ANKRD24: variants seen among roughly 807,000 people sequenced by gnomAD.
ANKRD24 encodes ankyrin repeat domain-containing protein 24.
In ANKRD24, 109 loss-of-function variants were observed where a neutral mutation model predicts 127.8. That is an observed-to-expected ratio of 0.85 (90% CI 0.73 to 1.00). The LOEUF is 1.00. Among genes scored for constraint, ANKRD24 ranks in the 50% least tolerant of loss-of-function variants. ANKRD24 has a pLI of 0.00. For missense variants in ANKRD24, 1,648 were observed against 1,570.2 expected (o/e 1.05, Z -0.84); for synonymous variants, 743 against 671.1 (o/e 1.11, Z -1.66).
chr19:4,217,138 G>A lies in ANKRD24; in HGVS notation c.1978G>A (p.Gly660Arg). The A allele has an allele frequency of 6.2e-7, 1 of 1,613,618 alleles. No homozygotes were observed. The highest frequency in any genetic ancestry group is 8.5e-7 in the Non-Finnish European group (1 of 1,179,770). The change falls in exon 18 of 22, where the codon GGG becomes AGG. Residue 660 changes from glycine to arginine, a missense_variant. By Grantham distance (125) the Gly-to-Arg change is moderately radical (BLOSUM62 -2). Coordinates refer to ENST00000318934, the MANE Select transcript of ANKRD24 (RefSeq NM_001393985.1). ...AATGCAGGCCTACGGAGTGGGTGCT[G>A]GGCAAGCAGAGCCCCCAGTCACAGG... ...AEMQAYGVGA[G>R]QAEPPVTGTT...
At position 4,216,711 on chromosome 19, in the gene ANKRD24, G is replaced by C. The variant is rs1970095278; in HGVS notation, c.1551G>C (p.Glu517Asp). 6.3e-7 allele frequency: 1 copy of C among 1,579,142 alleles called. No homozygotes were observed. ...CCCTGAGGCAGCAGGAGACACGAGA[G>C]GTCCCCAGAGAAGAGGGGGCAGCCT... ...LQALRQQETREVPREEGAACG... is the reference protein window; with the variant it reads ...LQALRQQETRDVPREEGAACG... Residue 517 changes from glutamate (E) to aspartate (D), a missense_variant, in exon 18 of 22, where the codon GAG (glutamate) becomes GAC (aspartate). Coordinates refer to ENST00000318934, the MANE Select transcript of ANKRD24 (RefSeq NM_001393985.1).
chr19:4,209,595 G>C (rs553840847), intron 11 of ANKRD24, among the ~76,000 whole-genome samples: 1 of 152,018 alleles, frequency 6.6e-6, no homozygotes, highest in South Asian at 2.1e-4. Context: ...GACTACAGGC[G>C]TGCGCCACCA....
At chr19:4,206,325 T>C (rs1420373639) in intron 7 of ANKRD24, among the ~76,000 whole-genome samples, 1 of 151,048 alleles carries the variant, frequency 6.6e-6, no homozygotes, top group Non-Finnish European at 1.5e-5. Flanking sequence ...TGACATTCCA[T>C]TTCCATAAAA....
In ANKRD24 at chr19:4,198,470, C is replaced by T. The variant is rs1210097595; in HGVS notation, c.37-1213C>T. ...CCTCCTCTTGGAACCCCGTGCGCCCCCCGCGCCCCGCGCCCCGGACGCCAT... is the reference window on the plus strand; with the variant it reads ...CCTCCTCTTGGAACCCCGTGCGCCCTCCGCGCCCCGCGCCCCGGACGCCAT... On this transcript the variant is annotated intron_variant, in intron 2 of 21. Coordinates refer to ENST00000318934, the MANE Select transcript of ANKRD24 (RefSeq NM_001393985.1). This position sits in a 1 kb window ranked among gnomAD's most constrained non-coding sequence, Gnocchi z 6.1. The T allele has an allele frequency of 1.9e-5, 12 of 618,472 alleles. No individual in the cohort carries two copies. The highest frequency in any genetic ancestry group is 3.4e-5 in the East Asian group (1 of 29,488). The allele number at this position is 618,472 out of a possible 1,614,324, so 38.3% of individuals were successfully genotyped here.
In ANKRD24 at chr19:4,224,185, C is replaced by T. The variant is rs1405682890; in HGVS notation, c.3356C>T (p.Ala1119Val). ...VALYRSHLLY[A>V]IQGQMDEDVQ... ...TTGTACAGAAGCCACCTCCTATATG[C>T]CATTCAGGTGAGTGGCCCAGCTCCT... The change falls in exon 21 of 22, where the codon GCC becomes GTC. Residue 1119 changes from alanine (A) to valine (V), a missense_variant. Coordinates refer to ENST00000318934, the MANE Select transcript of ANKRD24 (RefSeq NM_001393985.1). 7 of 1,610,920 alleles carry T rather than the reference C, an allele frequency of 4.3e-6. No homozygotes were observed. The highest frequency in any genetic ancestry group is 5.1e-6 in the Non-Finnish European group (6 of 1,178,928).
chr19:4,223,464 G>A lies in ANKRD24; in HGVS notation c.3298-663G>A, dbSNP rs183899186. Among the ~76,000 whole-genome samples, 507 of 140,132 alleles carry A rather than the reference G, an allele frequency of 3.6e-3. 2 individuals are homozygous for A. The highest frequency in any genetic ancestry group is 0.013 in the African/African-American group (474 of 36,680). 91.9% of individuals were successfully genotyped at this position (140,132 alleles called of 152,430 possible). On this transcript the variant is annotated intron_variant, in intron 20 of 21. Transcript: ENST00000318934. The stretch of plus-strand genomic sequence containing the variant: ...CACCCAGGCTGGAGTGCAGTGACAC[G>A]ATCTTGGCTCACTGCAACCTCTGCC...
At position 4,224,557 on chromosome 19, in the gene ANKRD24, C is replaced by G; in HGVS notation, c.*52C>G. ...GACCACACCCACGCAGGGACCTCAC[C>G]CCCCTGCAGGCCCCTTGCAGACCGG... On this transcript the variant is annotated 3_prime_UTR_variant, in exon 22 of 22. Transcript: ENST00000318934. 6.6e-7 allele frequency: 1 copy of G among 1,506,714 alleles called. No individual in the cohort carries two copies. The highest frequency in any genetic ancestry group is 9.1e-7 in the Non-Finnish European group (1 of 1,101,780). 93.3% of individuals were successfully genotyped at this position (1,506,714 alleles called of 1,614,324 possible). A position where few individuals can be genotyped will look rare whatever the true frequency, so the allele number is the denominator to read the frequency against.
chr19:4,195,042 G>A lies in ANKRD24; in HGVS notation c.37-4641G>A, dbSNP rs1968620756. Among the ~76,000 whole-genome samples the A allele has an allele frequency of 6.7e-6, 1 of 148,592 alleles. No homozygotes were observed. The highest frequency in any genetic ancestry group is 1.5e-5 in the Non-Finnish European group (1 of 66,724). On this transcript the variant is annotated intron_variant, in intron 2 of 21. Transcript: ENST00000318934. The surrounding 1 kb of genome is among the most constrained non-coding windows in gnomAD (Gnocchi z 4.2). ...GAGTGCAGTGGTGCGATCTCGGCGT[G>A]AGCCACCGCGCCCAGGTTTTTGTTT...
intron 2 of ANKRD24, among the ~76,000 whole-genome samples, chr19:4,190,218 GAGGTC>G (rs1968306580): frequency 6.6e-6 from 1 of 151,174 alleles, no homozygotes; most frequent in Non-Finnish European, 1.5e-5. Context: ...GGTGGGTCAC[GAGGTC>G]AGGAGATCGA....
At chr19:4,224,090 T>C in intron 20 of ANKRD24, 37 bp from the exon 21 acceptor site, 1 of 1,595,338 alleles carries the variant, frequency 6.3e-7, no homozygotes, top group Admixed American at 1.7e-5. Context: ...GGGGAGGTGC[T>C]CCTGCTCTTC....
rs1159964760 is a variant in ANKRD24 at position 4,219,659 on chromosome 19, G to C, written c.3072G>C (p.Glu1024Asp). The change falls in exon 19 of 22, where the codon GAG (glutamate) becomes GAC (aspartate). Residue 1024 changes from glutamate (E) to aspartate (D), a missense_variant. Glu to Asp is a conservative substitution (Grantham distance 45, BLOSUM62 2). Coordinates refer to ENST00000318934, the MANE Select transcript of ANKRD24 (RefSeq NM_001393985.1). ...HAAEAQLATA[E>D]QQLRGLRTEA... Reference sequence around the variant, plus strand: ...CCGAGGCACAGCTGGCCACAGCAGAGCAGCAGCTACGGGGGCTACGGACCG... The same window carrying C: ...CCGAGGCACAGCTGGCCACAGCAGACCAGCAGCTACGGGGGCTACGGACCG... 2 of 1,613,890 alleles carry C rather than the reference G, an allele frequency of 1.2e-6. No homozygotes were observed. The highest frequency in any genetic ancestry group is 4.5e-5 in the East Asian group (2 of 44,876).
At position 4,212,380 on chromosome 19, in the gene ANKRD24, C is replaced by T. The variant is rs183114315; in HGVS notation, c.1060-95C>T. On this transcript the variant is annotated intron_variant, in intron 13 of 21. Transcript: ENST00000318934. ...GTGCTGAATAGTTGCACGTGGAATGCGTGAATGTGCATGGAATGGAGGCTA... is the reference window on the plus strand; with the variant it reads ...GTGCTGAATAGTTGCACGTGGAATGTGTGAATGTGCATGGAATGGAGGCTA... 7.5e-5 allele frequency: 106 copies of T among 1,405,200 alleles called. No individual in the cohort carries two copies. In the African/African-American group the frequency reaches 1.1e-3, roughly 14 times the overall value. The allele number at this position is 1,405,200 out of a possible 1,614,324, so 87.0% of individuals were successfully genotyped here. A position where few individuals can be genotyped will look rare whatever the true frequency, so the allele number is the denominator to read the frequency against.
chr19:4,220,598 A>G (rs1173710441), intron 19 of ANKRD24, among the ~76,000 whole-genome samples: 2 of 152,144 alleles, frequency 1.3e-5, no homozygotes, highest in Non-Finnish European at 2.9e-5. Flanking sequence ...TCTGTCACCC[A>G]GACTGGAGTG....
At chr19:4,193,886 A>AGGAAGGAAGGAAGGAG (rs1555712229) in intron 2 of ANKRD24, among the ~76,000 whole-genome samples, 1 of 150,026 alleles carries the variant, frequency 6.7e-6, no homozygotes, top group African/African-American at 2.5e-5. Flanking sequence ...GAAGGAAGGA[A>AGGAAGGAAGGAAGGAG]GGAAGGAAAA....
At chr19:4,212,033 T>C (rs1314470774) in intron 13 of ANKRD24, among the ~76,000 whole-genome samples, 4 of 151,904 alleles carry the variant, frequency 2.6e-5, no homozygotes, top group Non-Finnish European at 4.4e-5. Flanking sequence ...ACCCCGTCTC[T>C]ACTAAAAATA....
chr19:4,207,150 C>T (rs1290782914), intron 7 of ANKRD24, 92 bp from the exon 8 acceptor site: 1 of 1,080,912 alleles, frequency 9.3e-7, no homozygotes, highest in Non-Finnish European at 1.4e-6. Context: ...TCTCAAACTC[C>T]AGAACTCAAG....
chr19:4,190,496 G>A (rs1034851852), intron 2 of ANKRD24, among the ~76,000 whole-genome samples: 10 of 151,380 alleles, frequency 6.6e-5, no homozygotes, highest in African/African-American at 1.2e-4. Context: ...AGGCAGAGGC[G>A]GGCAGATCAC....
At chr19:4,203,959 T>G (rs1185877504) in intron 7 of ANKRD24, among the ~76,000 whole-genome samples, 1 of 82,214 alleles carries the variant, frequency 1.2e-5, no homozygotes, top group African/African-American at 7.2e-5. Flanking sequence ...CCTTCTCCCT[T>G]TTTTTTTTTT....
intron 13 of ANKRD24, among the ~76,000 whole-genome samples, chr19:4,210,595 G>A (rs2145347200): frequency 9.4e-6 from 1 of 106,044 alleles, no homozygotes; most frequent in East Asian, 4.4e-4. Flanking sequence ...CTCTAGCGCA[G>A]TCCTGCCTCA....
Sources: gnomAD v4.1 joint callset for allele counts (sites outside exome capture counted in the v4.1 genomes callset) on GRCh38, gnomAD v4.1.1 for gene constraint, Gnocchi (gnomAD v3.1) non-coding constraint, MANE v1.5 for transcripts, NCBI Gene and HGNC (gene_info 2026-07-23, HGNC 2026-07-21) for gene names.